The following CNTN5 variants were observed in gnomAD, a reference collection of about 807,000 sequenced individuals.
CNTN5 encodes the protein contactin 5, also known as contactin-5.
CNTN5 carries 77 observed loss-of-function variants against 129.1 expected under a neutral mutation model. The ratio of observed to expected loss-of-function variants is 0.60; its 90% CI spans 0.50 to 0.72. The LOEUF (loss-of-function observed/expected upper bound fraction) is 0.72, where lower values mean the gene tolerates loss of function less well. Among genes scored for constraint, CNTN5 ranks in the 30% least tolerant of loss-of-function variants. CNTN5 has a pLI of 0.00. For synonymous variants in CNTN5, 509 were observed against 465.6 expected, an observed-to-expected ratio of 1.09 and a Z score of -1.20; for missense variants, 1,478 against 1,328.8, an observed-to-expected ratio of 1.11 and a Z score of -1.75.
At chr11:99,921,009 A>G (rs550024949) in intron 7 of CNTN5, among the ~76,000 whole-genome samples, 215 of 152,266 alleles carry the variant, frequency 1.4e-3, no homozygotes, top group South Asian at 9.5e-3. Flanking sequence ...TCTCTACTGA[A>G]TGTGAGAAAA....
intron 13 of CNTN5, among the ~76,000 whole-genome samples, chr11:100,167,596 A>AAATT (rs1168698989): frequency 5.9e-5 from 9 of 151,898 alleles, no homozygotes; most frequent in Admixed American, 3.3e-4. Context: ...TAGGTTAAGT[A>AAATT]AATTAACTGC....
chr11:100,168,861 C>A (rs1947736273), intron 13 of CNTN5, among the ~76,000 whole-genome samples: 2 of 151,908 alleles, frequency 1.3e-5, no homozygotes, highest in Non-Finnish European at 2.9e-5. Flanking sequence ...CCATTAAGAA[C>A]ATTCATAGTT....
intron 3 of CNTN5, among the ~76,000 whole-genome samples, chr11:99,771,797 G>A (rs1006638261): frequency 6.0e-4 from 91 of 152,054 alleles, no homozygotes; most frequent in African/African-American, 2.2e-3. Context: ...CTTAAGTGTT[G>A]TCACCATAAA....
At chr11:100,016,744 G>A (rs1328939201) in intron 9 of CNTN5, among the ~76,000 whole-genome samples, 2 of 151,816 alleles carry the variant, frequency 1.3e-5, no homozygotes, top group East Asian at 3.9e-4. Context: ...TGTGTGAGTG[G>A]TTAAATCCAC....
chr11:99,434,483 C>G (rs2135120363), intron 2 of CNTN5, among the ~76,000 whole-genome samples: 1 of 152,194 alleles, frequency 6.6e-6, no homozygotes, highest in Middle Eastern at 3.4e-3. Context: ...TTCCATGCAA[C>G]AGCAAGTAAG....
intron 18 of CNTN5, among the ~76,000 whole-genome samples, chr11:100,285,444 AT>A (rs1174554226): frequency 1.3e-5 from 2 of 152,182 alleles, no homozygotes; most frequent in Non-Finnish European, 2.9e-5. Flanking sequence ...CAGAGCATGC[AT>A]GCCTTCTAAA....
intron 4 of CNTN5, among the ~76,000 whole-genome samples, chr11:99,833,828 T>G (rs1947221773): frequency 6.6e-6 from 1 of 152,162 alleles, no homozygotes; most frequent in African/African-American, 2.4e-5. Context: ...CATTGTCTCC[T>G]GTTTCTTGCT....
Position 99,845,178 on chromosome 11 carries a change from G to C in CNTN5, c.493G>C (p.Ala165Pro). The C allele has an allele frequency of 6.2e-7, 1 of 1,613,690 alleles. No homozygotes were observed. The highest frequency in any genetic ancestry group is 1.1e-5 in the South Asian group (1 of 91,082). Residue 165 changes from alanine (A) to proline (P), a missense_variant, in exon 6 of 25, where the codon GCA becomes CCA. Ala to Pro is a conservative substitution (Grantham distance 27). Transcript: ENST00000524871. ...GTFIISNPSE[A>P]KDSGHYQCLA... ...CTTCATTATAAGCAATCCAAGTGAA[G>C]CAAAGGATTCTGGTCATTATCAGTG...
At chr11:100,321,187 G>A (rs1047395586) in intron 21 of CNTN5, among the ~76,000 whole-genome samples, 9 of 151,316 alleles carry the variant, frequency 5.9e-5, no homozygotes, top group Non-Finnish European at 8.8e-5. Context: ...CATGAACATA[G>A]GATTTTTTTC....
chr11:99,346,245 T>A (rs975282741), intron 2 of CNTN5, among the ~76,000 whole-genome samples: 1 of 152,232 alleles, frequency 6.6e-6, no homozygotes, highest in South Asian at 2.1e-4. Flanking sequence ...TTCTGCTTAA[T>A]TGATGATGAT....
At chr11:99,437,655 C>G (rs1217776520) in intron 2 of CNTN5, among the ~76,000 whole-genome samples, 1 of 152,022 alleles carries the variant, frequency 6.6e-6, no homozygotes, top group East Asian at 1.9e-4. Context: ...TGATGAAACC[C>G]CATCGCTACT....
chr11:99,991,132 A>T (rs778390613), intron 8 of CNTN5, among the ~76,000 whole-genome samples: 11 of 152,164 alleles, frequency 7.2e-5, no homozygotes, highest in Non-Finnish European at 1.3e-4. Flanking sequence ...ATATTGTGTC[A>T]CCATTGGTTA....
chr11:100,044,373 GTTCT>G (rs1473612328), intron 9 of CNTN5, among the ~76,000 whole-genome samples: 2 of 151,968 alleles, frequency 1.3e-5, no homozygotes, highest in Non-Finnish European at 2.9e-5. Context: ...TTGAATGGTA[GTTCT>G]TTCTATGTTT....
At chr11:99,492,095 G>T (rs192847286) in intron 2 of CNTN5, among the ~76,000 whole-genome samples, 5 of 152,198 alleles carry the variant, frequency 3.3e-5, no homozygotes, top group Admixed American at 2.6e-4. Context: ...TTGTTGAGGG[G>T]AGCCATCTGT....
At chr11:99,408,448 G>GAAAGAAAGAAAGAAAGAAAGAA (rs71305322) in intron 2 of CNTN5, among the ~76,000 whole-genome samples, 2 of 78,088 alleles carry the variant, frequency 2.6e-5, no homozygotes, top group East Asian at 4.6e-4. Flanking sequence ...AAGAAAGAAA[G>GAAAGAAAGAAAGAAAGAAAGAA]AGAAAGAAAG....
intron 1 of CNTN5, among the ~76,000 whole-genome samples, chr11:99,026,023 G>A (rs1863093820): frequency 6.6e-6 from 1 of 151,610 alleles, no homozygotes; most frequent in Non-Finnish European, 1.5e-5. Context: ...GAGCCTTTAA[G>A]TGTACTAAAC....
intron 3 of CNTN5, among the ~76,000 whole-genome samples, chr11:99,794,133 T>C (rs1437533182): frequency 6.6e-6 from 1 of 152,086 alleles, no homozygotes. Context: ...TAGATAGGTC[T>C]TTTTGTTGAA....
rs868181421 is a variant in CNTN5, at chr11:99,985,991, A to G, written c.878-16043A>G. On this transcript the variant is annotated intron_variant, in intron 8 of 24. Transcript: ENST00000524871. ...TATCAATTATTCTACCTTCATCACA[A>G]TCTCAATTTCAAGTAAGCCATTTTC... 1.3e-4 allele frequency among the ~76,000 whole-genome samples: 20 copies of G among 152,256 alleles called. 1 individual carries two copies. In the South Asian group the frequency reaches 3.1e-3, roughly 24 times the overall value.
rs140005371 is a variant in CNTN5, at chr11:99,719,745, C to T, written c.56-99799C>T. Among the ~76,000 whole-genome samples the T allele has an allele frequency of 3.1e-3, 474 of 151,808 alleles. 2 individuals are homozygous for T. The highest frequency in any genetic ancestry group is 9.9e-3 in the African/African-American group (410 of 41,392). ...CAAAACTTCAAGAGATCAACAAATT[C>T]GTGAGTTGTTTTTTGAAAAAAATAA... On this transcript the variant is annotated intron_variant, in intron 3 of 24. Transcript: ENST00000524871.
Sources: gnomAD v4.1 joint callset for allele counts (sites outside exome capture counted in the v4.1 genomes callset) on GRCh38, gnomAD v4.1.1 for gene constraint, MANE v1.5 for transcripts, NCBI Gene and HGNC (gene_info 2026-07-23, HGNC 2026-07-21) for gene names.